The following PLEKHB2 variants were observed in gnomAD, a reference collection of about 807,000 sequenced individuals.
PLEKHB2 encodes the protein pleckstrin homology domain containing B2, also known as pleckstrin homology domain-containing family B member 2.
Under a neutral mutation model 36.5 loss-of-function variants are expected in PLEKHB2, and 31 were observed. The ratio of observed to expected loss-of-function variants is 0.85; its 90% CI spans 0.64 to 1.15. The LOEUF is 1.15. PLEKHB2 is among the 50% of genes most tolerant of loss of function. PLEKHB2 has a pLI of 0.00. For missense variants in PLEKHB2, 262 were observed against 295.3 expected (o/e 0.89, Z 0.83); for synonymous variants, 119 against 112.0 (o/e 1.06, Z -0.39).
chr2:131,145,734 T>C lies in PLEKHB2; in HGVS notation c.533-903T>C, dbSNP rs79290975. Among the ~76,000 whole-genome samples the C allele has an allele frequency of 2.7e-3, 406 of 152,350 alleles. 1 individual carries two copies. The highest frequency in any genetic ancestry group is 8.6e-3 in the African/African-American group (358 of 41,576). On this transcript the variant is annotated intron_variant, in intron 7 of 7. Coordinates refer to ENST00000693505, the MANE Select transcript of PLEKHB2 (RefSeq NM_001100623.2). ...AAAGCTACTTAGCTACTAGGCATTA[T>C]AGCTGTGAAGCATGGAAGAGAGCAA...
intron 5 of PLEKHB2, among the ~76,000 whole-genome samples, chr2:131,131,914 A>C (rs1238106594): frequency 6.6e-6 from 1 of 151,768 alleles, no homozygotes; most frequent in Admixed American, 6.6e-5. Flanking sequence ...GCTCACTGCA[A>C]CCTCTGCCTC....
At chr2:131,112,242 T>C (rs1228615759) in intron 1 of PLEKHB2, among the ~76,000 whole-genome samples, 11 of 152,164 alleles carry the variant, frequency 7.2e-5, no homozygotes, top group Admixed American at 7.2e-4. Flanking sequence ...GGATTGGGTT[T>C]GGGGAGCCTC....
intron 5 of PLEKHB2, among the ~76,000 whole-genome samples, chr2:131,131,200 C>T (rs1031395987): frequency 1.3e-5 from 2 of 152,190 alleles, no homozygotes; most frequent in African/African-American, 4.8e-5. Context: ...CGCCTTTTGC[C>T]AACAGTGAGC....
Position 131,125,738 on chromosome 2 carries a change from A to ATT in PLEKHB2, c.38-6_38-5dup. On this transcript the variant is annotated splice_polypyrimidine_tract_variant and intron_variant, in intron 2 of 7. Transcript: ENST00000693505. ...CTAAAAAAAAAAAAACAACCGTACT[A>ATT]TTTTTTTTTTCCAGGTACTATTTTG... 3.7e-6 allele frequency: 5 copies of ATT among 1,357,714 alleles called. No homozygotes were observed. The highest frequency in any genetic ancestry group is 2.6e-5 in the East Asian group (1 of 38,048). 84.1% of individuals were successfully genotyped at this position (1,357,714 alleles called of 1,614,324 possible).
At chr2:131,137,152 T>TC in intron 6 of PLEKHB2, among the ~76,000 whole-genome samples, 1 of 152,124 alleles carries the variant, frequency 6.6e-6, no homozygotes, top group African/African-American at 2.4e-5. Flanking sequence ...TTTCACTGTG[T>TC]TAGCCAGGAC....
At chr2:131,139,268 C>T (rs953178545) in intron 6 of PLEKHB2, among the ~76,000 whole-genome samples, 4 of 152,170 alleles carry the variant, frequency 2.6e-5, no homozygotes, top group East Asian at 3.8e-4. Flanking sequence ...GCTAAAGTTC[C>T]TCTCCCGTCT....
Position 131,130,757 on chromosome 2 carries a change from C to G in PLEKHB2, c.330C>G (p.Asn110Lys). Reference sequence around the variant, plus strand: ...TTACACTCCAAGATTCTAGGACAAACACAGTAAGTTGCTAATGGCAATCAC... The same window carrying G: ...TTACACTCCAAGATTCTAGGACAAAGACAGTAAGTTGCTAATGGCAATCAC... The part of the protein sequence containing the change: ...WKFTLQDSRT[N>K]TAYVGSAVMT... Residue 110 changes from asparagine (N) to lysine (K), a missense_variant, in exon 5 of 8, where the codon AAC becomes AAG. Asn to Lys is a moderately conservative substitution (Grantham distance 94, BLOSUM62 0). Coordinates refer to ENST00000693505, the MANE Select transcript of PLEKHB2 (RefSeq NM_001100623.2). 4 of 1,608,450 alleles carry G rather than the reference C, an allele frequency of 2.5e-6. No individual in the cohort carries two copies. Among genetic ancestry groups the G allele is most frequent in the Non-Finnish European group, 3.4e-6 (4 of 1,175,412 alleles).
chr2:131,125,087 A>G (rs923134216), intron 2 of PLEKHB2, among the ~76,000 whole-genome samples: 6 of 152,176 alleles, frequency 3.9e-5, no homozygotes, highest in African/African-American at 1.4e-4. Flanking sequence ...CCTGGCCAAA[A>G]TGTGTTTTTT....
At chr2:131,114,986 G>A (rs769206507) in intron 1 of PLEKHB2, among the ~76,000 whole-genome samples, 6 of 152,124 alleles carry the variant, frequency 3.9e-5, no homozygotes, top group Non-Finnish European at 7.3e-5. Context: ...GTATTAGTCT[G>A]TTCTCACGCT....
rs556178539 is a variant in PLEKHB2 at position 131,125,715 on chromosome 2, A to G, written c.38-38A>G. 48 of 550,340 alleles carry G rather than the reference A, an allele frequency of 8.7e-5. No homozygotes were observed. In the East Asian group the frequency reaches 9.6e-4, roughly 11 times the overall value. The allele number at this position is 550,340 out of a possible 1,614,324, so 34.1% of individuals were successfully genotyped here. The stretch of plus-strand genomic sequence containing the variant: ...TGGGCGAAATAGTAAGACTGTCTCT[A>G]AAAAAAAAAAAACAACCGTACTATT... On this transcript the variant is annotated intron_variant, in intron 2 of 7. Transcript: ENST00000693505.
chr2:131,107,003 G>A (rs1174949165), intron 1 of PLEKHB2, among the ~76,000 whole-genome samples: 4 of 152,182 alleles, frequency 2.6e-5, no homozygotes, highest in Non-Finnish European at 4.4e-5. Flanking sequence ...GTGGTATAGA[G>A]AGGACAGATA....
intron 3 of PLEKHB2, 36 bp downstream of exon 3, chr2:131,125,941 G>C: frequency 6.3e-7 from 1 of 1,598,264 alleles, no homozygotes; most frequent in Non-Finnish European, 8.6e-7. Context: ...TCTGTCTTCT[G>C]CTCTTCCTCT....
At chr2:131,126,831 A>G (rs531050451) in intron 4 of PLEKHB2, 45 bp downstream of exon 4, 117 of 1,130,012 alleles carry the variant, frequency 1.0e-4, no homozygotes, top group East Asian at 1.7e-4. Context: ...AGTATTTTCT[A>G]TTTTAACTTC....
At chr2:131,114,974 C>T (rs950304375) in intron 1 of PLEKHB2, among the ~76,000 whole-genome samples, 2 of 152,124 alleles carry the variant, frequency 1.3e-5, no homozygotes, top group Non-Finnish European at 2.9e-5. Context: ...TACCAGTTTA[C>T]TGTATTAGTC....
intron 4 of PLEKHB2, among the ~76,000 whole-genome samples, chr2:131,127,868 G>A (rs926343482): frequency 7.0e-4 from 106 of 152,202 alleles, no homozygotes; most frequent in African/African-American, 2.4e-3. Flanking sequence ...CCTTAAGAAT[G>A]TGATGTCCTT....
At chr2:131,146,601 G>A (rs371265852) in intron 7 of PLEKHB2, 36 bp from the exon 8 acceptor site, 55 of 1,579,706 alleles carry the variant, frequency 3.5e-5, no homozygotes, top group Non-Finnish European at 4.2e-5. Flanking sequence ...TTCACAAACC[G>A]CTGCTCAGAA....
chr2:131,106,954 G>T (rs1217872988), intron 1 of PLEKHB2, among the ~76,000 whole-genome samples: 1 of 152,188 alleles, frequency 6.6e-6, no homozygotes, highest in African/African-American at 2.4e-5. Flanking sequence ...TAAATTTCCT[G>T]CTATTCTCAA....
rs1353187208 is a variant in PLEKHB2 at position 131,147,840 on chromosome 2, A to G, written c.*1067A>G. ...CCTGGAGAAGCCAGAACAATATACAAACAAGTATGTGGAGGCAGATTTGCT... is the reference window on the plus strand; with the variant it reads ...CCTGGAGAAGCCAGAACAATATACAGACAAGTATGTGGAGGCAGATTTGCT... On this transcript the variant is annotated 3_prime_UTR_variant, in exon 8 of 8. Transcript: ENST00000693505. The G allele has an allele frequency of 1.3e-5, 2 of 152,072 alleles. No homozygotes were observed. The highest frequency in any genetic ancestry group is 4.8e-5 in the African/African-American group (2 of 41,356). 9.4% of individuals were successfully genotyped at this position (152,072 alleles called of 1,614,324 possible).
chr2:131,109,976 G>A (rs1260109285), intron 1 of PLEKHB2, among the ~76,000 whole-genome samples: 11 of 152,100 alleles, frequency 7.2e-5, no homozygotes, highest in African/African-American at 2.7e-4. Context: ...TTACCTGGGT[G>A]TGGTGGCGGT....
Sources: gnomAD v4.1 joint callset for allele counts (sites outside exome capture counted in the v4.1 genomes callset) on GRCh38, gnomAD v4.1.1 for gene constraint, MANE v1.5 for transcripts, NCBI Gene and HGNC (gene_info 2026-07-23, HGNC 2026-07-21) for gene names.